The following SOS1 variants were observed in gnomAD, a reference collection of about 807,000 sequenced individuals.
SOS1 encodes the protein son of sevenless homolog 1.
SOS1 carries 25 observed loss-of-function variants against 157.6 expected under a neutral mutation model. The ratio of observed to expected loss-of-function variants is 0.16; its 90% CI spans 0.12 to 0.22. The LOEUF (loss-of-function observed/expected upper bound fraction) is 0.22, where lower values mean the gene tolerates loss of function less well. SOS1 is among the 10% of genes least tolerant of loss of function. The pLI is 1.00. For synonymous variants in SOS1, 528 were observed against 534.0 expected, an observed-to-expected ratio of 0.99 and a Z score of 0.16; for missense variants, 1,237 against 1,599.1, an observed-to-expected ratio of 0.77 and a Z score of 3.86.
intron 8 of SOS1, among the ~76,000 whole-genome samples, chr2:39,027,674 C>A (rs949045842): frequency 1.3e-5 from 2 of 152,120 alleles, no homozygotes; most frequent in Non-Finnish European, 2.9e-5. Context: ...CAATACCATG[C>A]TTTTCATGAG....
At chr2:39,015,077 A>G (rs1334440681) in intron 10 of SOS1, among the ~76,000 whole-genome samples, 1 of 152,092 alleles carries the variant, frequency 6.6e-6, no homozygotes, top group Non-Finnish European at 1.5e-5. Flanking sequence ...CACTGACAAG[A>G]TGATCTTAAA....
chr2:39,096,811 A>C (rs1432076700), intron 1 of SOS1, among the ~76,000 whole-genome samples: 1 of 151,954 alleles, frequency 6.6e-6, no homozygotes, highest in African/African-American at 2.4e-5. Flanking sequence ...GTGTAAACCC[A>C]GGAGGTGGAG....
intron 8 of SOS1, among the ~76,000 whole-genome samples, chr2:39,033,166 G>A (rs1211998361): frequency 1.4e-5 from 2 of 139,604 alleles, no homozygotes; most frequent in Admixed American, 7.4e-5. Context: ...CGCCTCCCAG[G>A]TTCAGGTGAT....
At position 39,026,123 on chromosome 2, in the gene SOS1, G is replaced by A. The variant is rs560911757; in HGVS notation, c.1075-1986C>T. On this transcript the variant is annotated intron_variant, in intron 8 of 22. Transcript: ENST00000402219. ...TGTAATCCCAGCACTTTGGGAGGCT[G>A]AGGCGGGGGGATCACGAGGTCAGGA... Among the ~76,000 whole-genome samples the A allele has an allele frequency of 1.1e-4, 16 of 152,272 alleles. No homozygotes were observed. The South Asian group carries it at 2.9e-3, about 28-fold the overall frequency.
intron 1 of SOS1, among the ~76,000 whole-genome samples, chr2:39,093,054 AGTT>A (rs1234851686): frequency 6.6e-6 from 1 of 152,270 alleles, no homozygotes. Context: ...TCAAAAAATC[AGTT>A]ATTAATACTA....
intron 13 of SOS1, 84 bp downstream of exon 13, chr2:39,013,376 T>C: frequency 1.2e-6 from 1 of 854,382 alleles, no homozygotes; most frequent in Non-Finnish European, 2.0e-6. Context: ...CTTACATTAC[T>C]GAGCCCCAAT....
chr2:39,063,898 T>A (rs918131306), intron 2 of SOS1, among the ~76,000 whole-genome samples: 2 of 152,110 alleles, frequency 1.3e-5, no homozygotes, highest in African/African-American at 4.8e-5. Flanking sequence ...AGTGGCGCGA[T>A]CACAGCTTAC....
In SOS1 at chr2:39,050,772, C is replaced by T. The variant is rs913205882; in HGVS notation, c.864+372G>A. ...AAATGAAATAACTTGCCACTGGTCA[C>T]ACAACTAATAAGCAGCAGAGCTTAG... is the stretch of plus-strand genomic sequence containing the variant. On this transcript the variant is annotated intron_variant, in intron 6 of 22. Coordinates refer to ENST00000402219, the MANE Select transcript of SOS1 (RefSeq NM_005633.4). 2.6e-5 allele frequency among the ~76,000 whole-genome samples: 4 copies of T among 152,160 alleles called. No homozygotes were observed. The East Asian group carries it at 5.8e-4, about 22-fold the overall frequency.
At chr2:39,004,489 T>C (rs1669222574) in intron 17 of SOS1, among the ~76,000 whole-genome samples, 1 of 130,710 alleles carries the variant, frequency 7.7e-6, no homozygotes, top group Admixed American at 7.6e-5. Flanking sequence ...GATTAACAAA[T>C]AAATAATTTG....
intron 6 of SOS1, among the ~76,000 whole-genome samples, chr2:39,047,469 A>ACC (rs961602099): frequency 6.6e-6 from 1 of 152,094 alleles, no homozygotes; most frequent in African/African-American, 2.4e-5. Flanking sequence ...ACCAAATTAC[A>ACC]CCCTAGCCCC....
chr2:39,073,214 T>C (rs1157495905), intron 1 of SOS1, among the ~76,000 whole-genome samples: 1 of 152,236 alleles, frequency 6.6e-6, no homozygotes, highest in Non-Finnish European at 1.5e-5. Context: ...AGAAGCCATG[T>C]ACAGCTGATT....
At chr2:39,053,971 A>G (rs781738354) in intron 5 of SOS1, among the ~76,000 whole-genome samples, 12 of 151,094 alleles carry the variant, frequency 7.9e-5, no homozygotes, top group Non-Finnish European at 1.6e-4. Flanking sequence ...TCTGTCGCCC[A>G]GGCTGGAGTG....
In SOS1 at chr2:39,049,658, A is replaced by C. The variant is rs144090012; in HGVS notation, c.864+1486T>G. 7.2e-5 allele frequency among the ~76,000 whole-genome samples: 11 copies of C among 151,948 alleles called. No individual in the cohort carries two copies. In the East Asian group the frequency reaches 2.1e-3, roughly 29 times the overall value. On this transcript the variant is annotated intron_variant, in intron 6 of 22. Coordinates refer to ENST00000402219, the MANE Select transcript of SOS1 (RefSeq NM_005633.4). ...TGTATTATATGCTTCTTAGTGGGAG[A>C]CTTAATGTTTTGTTTCCTTTTTTTC...
chr2:39,088,457 C>A (rs1214802116), intron 1 of SOS1, among the ~76,000 whole-genome samples: 2 of 151,942 alleles, frequency 1.3e-5, no homozygotes, highest in East Asian at 3.9e-4. Flanking sequence ...GCCTGGAACT[C>A]TGCACCTGTT....
intron 1 of SOS1, among the ~76,000 whole-genome samples, chr2:39,110,469 A>G (rs1673382310): frequency 6.6e-6 from 1 of 152,186 alleles, no homozygotes; most frequent in Non-Finnish European, 1.5e-5. Context: ...ACACAATCCA[A>G]TAGAGAAAAG....
chr2:39,061,249 TAAAA>T (rs68086036), intron 2 of SOS1, among the ~76,000 whole-genome samples: 37 of 117,422 alleles, frequency 3.2e-4, no homozygotes, highest in Non-Finnish European at 3.6e-4. Flanking sequence ...TTCGTAGGGT[TAAAA>T]AAAAAAAAAA....
At position 39,010,711 on chromosome 2, in the gene SOS1, C is replaced by A. The variant is rs1338095044; in HGVS notation, c.2391-8G>T. 6.2e-7 allele frequency: 1 copy of A among 1,601,012 alleles called. No homozygotes were observed. Among genetic ancestry groups the A allele is most frequent in the South Asian group, 1.1e-5 (1 of 90,820 alleles). On this transcript the variant is annotated splice_region_variant and splice_polypyrimidine_tract_variant and intron_variant, in intron 14 of 22. Transcript: ENST00000402219. ...TCTGATGGCTGTACAGCTCTAAAAT[C>A]ATCAATACATAATTCTACATGACAC...
At chr2:39,056,940 CAT>C in intron 3 of SOS1, 74 bp from the exon 4 acceptor site, 1 of 1,066,636 alleles carries the variant, frequency 9.4e-7, no homozygotes, top group Admixed American at 1.8e-5. Context: ...AAATAAAAAA[CAT>C]ATTTGCACCT....
intron 6 of SOS1, among the ~76,000 whole-genome samples, chr2:39,050,515 A>T (rs1227757280): frequency 1.3e-5 from 2 of 152,172 alleles, no homozygotes; most frequent in Non-Finnish European, 2.9e-5. Context: ...TCTCTTACCC[A>T]AAATGAAGTG....
Sources: allele counts gnomAD v4.1 joint callset (sites outside exome capture counted in the v4.1 genomes callset), GRCh38; gene constraint gnomAD v4.1.1; transcripts MANE v1.5; gene names NCBI Gene and HGNC (gene_info 2026-07-23, HGNC 2026-07-21).